The following LAMC3 variants were observed in gnomAD, a reference collection of about 807,000 sequenced individuals.
The protein encoded by LAMC3 is laminin subunit gamma-3.
Under a neutral mutation model 173.8 loss-of-function variants are expected in LAMC3, and 128 were observed. The observed-to-expected ratio is 0.74, with a 90% confidence interval of 0.64 to 0.85. The LOEUF (loss-of-function observed/expected upper bound fraction) is 0.85, where lower values mean the gene tolerates loss of function less well. LAMC3 is among the 40% of genes least tolerant of loss of function. The pLI is 0.00. For missense variants in LAMC3, 2,022 were observed against 2,156.0 expected, an observed-to-expected ratio of 0.94 and a Z score of 1.23; for synonymous variants, 897 against 909.1, an observed-to-expected ratio of 0.99 and a Z score of 0.24.
chr9:131,063,134 T>A (rs928681514), intron 13 of LAMC3, among the ~76,000 whole-genome samples: 1 of 152,228 alleles, frequency 6.6e-6, no homozygotes, highest in Non-Finnish European at 1.5e-5. Context: ...TCACTGGGAC[T>A]GTTCTGAAAG....
intron 24 of LAMC3, among the ~76,000 whole-genome samples, chr9:131,084,037 G>A (rs914978286): frequency 4.5e-5 from 5 of 110,866 alleles, no homozygotes; most frequent in African/African-American, 2.2e-4. Flanking sequence ...ACCACACCCG[G>A]CATTTTTTTT....
intron 6 of LAMC3, among the ~76,000 whole-genome samples, chr9:131,040,557 G>T (rs1206862027): frequency 6.6e-6 from 1 of 152,146 alleles, no homozygotes; most frequent in Non-Finnish European, 1.5e-5. Context: ...ACACATTGGG[G>T]ATATCTAGGA....
chr9:131,077,369 C>A (rs750235938), intron 22 of LAMC3, 35 bp downstream of exon 22: 1 of 1,611,128 alleles, frequency 6.2e-7, no homozygotes, highest in Non-Finnish European at 8.5e-7. Flanking sequence ...CGTGTGGGGT[C>A]GGGAGGATCT....
chr9:131,067,367 T>A (rs1020244161), intron 14 of LAMC3, among the ~76,000 whole-genome samples, 162 bp downstream of exon 14: 1 of 152,168 alleles, frequency 6.6e-6, no homozygotes, highest in Non-Finnish European at 1.5e-5. Context: ...CCTGTCTCCA[T>A]GTCCAGAAAG....
intron 13 of LAMC3, among the ~76,000 whole-genome samples, chr9:131,064,758 G>A (rs956700877): frequency 5.3e-5 from 8 of 151,960 alleles, no homozygotes; most frequent in African/African-American, 9.7e-5. Flanking sequence ...GTGAGCAGCC[G>A]GGCGTGGTGG....
chr9:131,080,178 G>A (rs1830212737), intron 23 of LAMC3, among the ~76,000 whole-genome samples: 1 of 151,284 alleles, frequency 6.6e-6, no homozygotes, highest in African/African-American at 2.4e-5. Flanking sequence ...GTTTCACTGT[G>A]TTGGCCAGGC....
chr9:131,017,890 G>A (rs1833553635), intron 1 of LAMC3, among the ~76,000 whole-genome samples: 1 of 151,802 alleles, frequency 6.6e-6, no homozygotes, highest in African/African-American at 2.4e-5. Context: ...GCCAGGTGTG[G>A]TGGCGTGTGC....
Position 131,079,280 on chromosome 9 carries a change from A to G in LAMC3, c.3909A>G (p.Gln1303=). 1 of 1,614,232 alleles carries G rather than the reference A, an allele frequency of 6.2e-7. No homozygotes were observed. Among genetic ancestry groups the G allele is most frequent in the Non-Finnish European group, 8.5e-7 (1 of 1,180,028 alleles). Residue 1303 remains glutamine, a synonymous_variant, in exon 23 of 28, where the codon CAA becomes CAG. Transcript: ENST00000361069. ...CTGCTGCCCAGGCGACGCTACGGCAAACAGAACCCCTCACAAAGGTCAGCT... is the reference window on the plus strand; with the variant it reads ...CTGCTGCCCAGGCGACGCTACGGCAGACAGAACCCCTCACAAAGGTCAGCT... ...LQTAAQATLR[Q]TEPLTKLHQE...
intron 23 of LAMC3, among the ~76,000 whole-genome samples, chr9:131,079,793 G>A (rs79689420): frequency 0.011 from 1,692 of 152,146 alleles, 12 homozygotes; most frequent in Non-Finnish European, 0.015. Context: ...CTGATACCCC[G>A]AGAAGAGATG....
intron 20 of LAMC3, among the ~76,000 whole-genome samples, chr9:131,074,629 G>A (rs1279466311): frequency 6.6e-6 from 1 of 150,490 alleles, no homozygotes; most frequent in Non-Finnish European, 1.5e-5. Context: ...CTGGGAGGTG[G>A]AGGTTGCAGT....
chr9:131,026,228 C>A lies in LAMC3; in HGVS notation c.374-57C>A. 6 of 1,608,916 alleles carry A rather than the reference C, an allele frequency of 3.7e-6. No homozygotes were observed. The Admixed American group carries it at 6.7e-5, about 18-fold the overall frequency. ...ATGCAGCCGTCTGTCCTTCCTAGACCAGGATTCCATACCTCCTTCCCCTTC... is the reference window on the plus strand; with the variant it reads ...ATGCAGCCGTCTGTCCTTCCTAGACAAGGATTCCATACCTCCTTCCCCTTC... On this transcript the variant is annotated intron_variant, in intron 1 of 27. Transcript: ENST00000361069. This position sits in a 1 kb window ranked among gnomAD's most constrained non-coding sequence, Gnocchi z 4.8.
In LAMC3 at chr9:131,068,160, T is replaced by A. The variant is rs959011807; in HGVS notation, c.2676T>A (p.His892Gln). 1.2e-6 allele frequency: 2 copies of A among 1,613,456 alleles called. No homozygotes were observed. Among genetic ancestry groups the A allele is most frequent in the Admixed American group, 3.3e-5 (2 of 60,030 alleles). ...PVTGQCSCLP[H>Q]VTARDCSRCY... ...CAGGCCAATGCTCCTGCCTGCCTCA[T>A]GTGACTGCACGGGACTGCAGCCGCT... The change falls in exon 15 of 28, where the codon CAT becomes CAA. Residue 892 changes from histidine to glutamine, a missense_variant. Physicochemically the swap from His to Gln is conservative, Grantham distance 24. Coordinates refer to ENST00000361069, the MANE Select transcript of LAMC3 (RefSeq NM_006059.4).
In LAMC3 at chr9:131,052,597, G is replaced by C; in HGVS notation, c.1737G>C (p.Gly579=). The stretch of plus-strand genomic sequence containing the variant: ...TCCCTGTACAGCTGAGGCTGGAAGG[G>C]ACAGGCTTGGCCCTGTCCCTGAGGC... ...SPLPVQLRLE[G]TGLALSLRHS... Residue 579 remains glycine, a synonymous_variant, in exon 10 of 28, where the codon GGG becomes GGC. Transcript: ENST00000361069. The C allele has an allele frequency of 6.2e-7, 1 of 1,614,068 alleles. No homozygotes were observed. Among genetic ancestry groups the C allele is most frequent in the East Asian group, 2.2e-5 (1 of 44,862 alleles).
In LAMC3 at chr9:131,009,583, C is replaced by A; in HGVS notation, c.369C>A (p.Arg123=). The change falls in exon 1 of 28, where the codon CGC becomes CGA. Residue 123 remains arginine (R), a synonymous_variant. Coordinates refer to ENST00000361069, the MANE Select transcript of LAMC3 (RefSeq NM_006059.4). The surrounding 1 kb of genome is among the most constrained non-coding windows in gnomAD (Gnocchi z 4.3). ...CCACCTCGGTCAACATCACCCTCCGCCTAGGTAAGCGCGGGCTGGGGGCAC... is the reference window on the plus strand; with the variant it reads ...CCACCTCGGTCAACATCACCCTCCGACTAGGTAAGCGCGGGCTGGGGGCAC... The part of the protein sequence containing the change: ...QYPTSVNITL[R]LGKAYEITYV... 6.4e-7 allele frequency: 1 copy of A among 1,570,968 alleles called. No individual in the cohort carries two copies. The highest frequency in any genetic ancestry group is 8.6e-7 in the Non-Finnish European group (1 of 1,159,380).
chr9:131,049,545 C>T (rs1314896721), intron 9 of LAMC3, among the ~76,000 whole-genome samples: 7 of 152,186 alleles, frequency 4.6e-5, no homozygotes, highest in Non-Finnish European at 1.0e-4. Context: ...TGATTAACAA[C>T]CTTAATGTCC....
chr9:131,053,700 G>T (rs1834342364), intron 11 of LAMC3, among the ~76,000 whole-genome samples: 1 of 152,146 alleles, frequency 6.6e-6, no homozygotes, highest in Admixed American at 6.5e-5. Context: ...GGGCGTGGTG[G>T]CACACACCTG....
At chr9:131,055,423 C>CTTTTTTTTTTTTTT (rs56220728) in intron 11 of LAMC3, among the ~76,000 whole-genome samples, 3 of 109,222 alleles carry the variant, frequency 2.7e-5, no homozygotes, top group African/African-American at 7.1e-5. Flanking sequence ...TCTTTTCTTT[C>CTTTTTTTTTTTTTT]TTTTTTTTTT....
intron 2 of LAMC3, among the ~76,000 whole-genome samples, chr9:131,031,057 C>T (rs556479432): frequency 1.3e-5 from 2 of 152,360 alleles, no homozygotes; most frequent in South Asian, 4.1e-4. Flanking sequence ...CCAAGGCATC[C>T]TCTGGCAGAG....
chr9:131,087,205 G>A (rs1830346447), intron 25 of LAMC3, among the ~76,000 whole-genome samples: 2 of 152,212 alleles, frequency 1.3e-5, no homozygotes, highest in East Asian at 3.8e-4. Flanking sequence ...ATGCCCCTCG[G>A]GCTTTGGCCA....
Sources: gnomAD v4.1 joint callset for allele counts (sites outside exome capture counted in the v4.1 genomes callset) on GRCh38, gnomAD v4.1.1 for gene constraint, Gnocchi (gnomAD v3.1) non-coding constraint, MANE v1.5 for transcripts, NCBI Gene and HGNC (gene_info 2026-07-23, HGNC 2026-07-21) for gene names.